Variants in ASTN1 observed in about 807,000 individuals in gnomAD.
ASTN1 encodes astrotactin-1.
ASTN1 carries 41 observed loss-of-function variants against 140.7 expected under a neutral mutation model. That is an observed-to-expected ratio of 0.29 (90% CI 0.23 to 0.38). The LOEUF is 0.38. Among genes scored for constraint, ASTN1 ranks in the 10% least tolerant of loss-of-function variants. The probability of loss-of-function intolerance (pLI) is 1.00; values close to 1 mark genes in which losing one functional copy is unlikely to be tolerated. For missense variants in ASTN1, 1,479 were observed against 1,678.8 expected, an observed-to-expected ratio of 0.88 and a Z score of 2.08; for synonymous variants, 640 against 652.2, an observed-to-expected ratio of 0.98 and a Z score of 0.29.
At chr1:177,014,580 G>A (rs1360966009) in intron 8 of ASTN1, among the ~76,000 whole-genome samples, 1 of 152,186 alleles carries the variant, frequency 6.6e-6, no homozygotes, top group Non-Finnish European at 1.5e-5. Context: ...GCAGGGCTGC[G>A]AGTCAGAGGC....
At position 176,936,222 on chromosome 1, in the gene ASTN1, A is replaced by G. The variant is rs775782380; in HGVS notation, c.2482+44T>C. 4 of 1,554,108 alleles carry G rather than the reference A, an allele frequency of 2.6e-6. No homozygotes were observed. The African/African-American group carries it at 4.1e-5, about 16-fold the overall frequency. On this transcript the variant is annotated intron_variant, in intron 15 of 22. Coordinates refer to ENST00000361833, the MANE Select transcript of ASTN1 (RefSeq NM_004319.3). ...GCTTCTCCCCTTGGAAAGGACTTCT[A>G]AGTTCCAGGGAAGGTGGGCAGGATA...
Position 176,888,180 on chromosome 1 carries a change from A to C in ASTN1, c.2965T>G (p.Ser989Ala), listed in dbSNP as rs1669117261. Residue 989 changes from serine (S) to alanine (A), a missense_variant, in exon 18 of 23, where the codon TCT becomes GCT. By Grantham distance (99) the Ser-to-Ala change is moderately conservative. Around this residue, in one of 3 missense-constraint regions of ASTN1, gnomAD observed 746 missense variants for 800.9 expected, o/e 0.93. Coordinates refer to ENST00000361833, the MANE Select transcript of ASTN1 (RefSeq NM_004319.3). The part of the protein sequence containing the change: ...QRLLQEATMS[S>A]LWCSGTGDVI... ...TCTCCAGTCCCTGAGCACCAGAGAGAGCTCATGGTAGCCTCCTGCAAGAGC... is the reference window on the plus strand; with the variant it reads ...TCTCCAGTCCCTGAGCACCAGAGAGCGCTCATGGTAGCCTCCTGCAAGAGC... 6.2e-7 allele frequency: 1 copy of C among 1,614,036 alleles called. No homozygotes were observed. Among genetic ancestry groups the C allele is most frequent in the African/African-American group, 1.3e-5 (1 of 75,048 alleles).
At chr1:177,142,818 C>T (rs956447322) in intron 1 of ASTN1, among the ~76,000 whole-genome samples, 1 of 151,348 alleles carries the variant, frequency 6.6e-6, no homozygotes, top group African/African-American at 2.4e-5. Context: ...ACCTGAATTC[C>T]ACCTTCATTC....
intron 8 of ASTN1, among the ~76,000 whole-genome samples, chr1:176,985,713 T>C (rs1673859505): frequency 6.6e-6 from 1 of 150,730 alleles, no homozygotes; most frequent in East Asian, 1.9e-4. Flanking sequence ...TGGACAGGCA[T>C]TGACCACTCC....
intron 8 of ASTN1, among the ~76,000 whole-genome samples, chr1:176,966,676 G>A (rs937018451): frequency 4.6e-5 from 7 of 151,784 alleles, no homozygotes; most frequent in Non-Finnish European, 8.8e-5. Flanking sequence ...TTGCTCTCAC[G>A]CATATCATAA....
intron 8 of ASTN1, among the ~76,000 whole-genome samples, chr1:176,979,552 T>A (rs936410156): frequency 6.6e-6 from 1 of 152,210 alleles, no homozygotes; most frequent in African/African-American, 2.4e-5. Flanking sequence ...GTACTTGTGA[T>A]GTATTTATTT....
chr1:176,926,093 C>T (rs1670956043), intron 16 of ASTN1, among the ~76,000 whole-genome samples: 1 of 152,060 alleles, frequency 6.6e-6, no homozygotes, highest in African/African-American at 2.4e-5. Context: ...AGGTGTGAGC[C>T]ACCGCACCCA....
intron 2 of ASTN1, among the ~76,000 whole-genome samples, chr1:177,051,678 A>G (rs965309009): frequency 3.9e-5 from 6 of 152,154 alleles, no homozygotes; most frequent in African/African-American, 1.4e-4. Context: ...GGTCTGTGAG[A>G]CAGACCCCAA....
intron 16 of ASTN1, among the ~76,000 whole-genome samples, chr1:176,896,930 C>T (rs891704187): frequency 6.6e-6 from 1 of 152,070 alleles, no homozygotes; most frequent in African/African-American, 2.4e-5. Context: ...GAAAAGGGCT[C>T]AAGCATTTCA....
chr1:176,877,858 G>A (rs1668626762), intron 20 of ASTN1, among the ~76,000 whole-genome samples: 1 of 152,168 alleles, frequency 6.6e-6, no homozygotes, highest in African/African-American at 2.4e-5. Context: ...AGACACAGTG[G>A]TCCAGTTAAA....
intron 1 of ASTN1, among the ~76,000 whole-genome samples, chr1:177,090,210 C>T (rs561776157): frequency 6.6e-6 from 1 of 151,580 alleles, no homozygotes; most frequent in African/African-American, 2.4e-5. Context: ...TCTCACAGAC[C>T]AGCAATCAGT....
rs959696751 is a variant in ASTN1 at position 176,868,585 on chromosome 1, T to C, written c.3647+259A>G. Among the ~76,000 whole-genome samples, 3 of 152,138 alleles carry C rather than the reference T, an allele frequency of 2.0e-5. No homozygotes were observed. The South Asian group carries it at 6.2e-4, about 32-fold the overall frequency. Reference sequence around the variant, plus strand: ...GGTTTGGAATGCAATGTCAACATGATAAAAAAGGAGGGCAAAATAGGTCAA... The same window carrying C: ...GGTTTGGAATGCAATGTCAACATGACAAAAAAGGAGGGCAAAATAGGTCAA... On this transcript the variant is annotated intron_variant, in intron 22 of 22. Coordinates refer to ENST00000361833, the MANE Select transcript of ASTN1 (RefSeq NM_004319.3).
At chr1:176,927,841 T>C (rs944817716) in intron 16 of ASTN1, among the ~76,000 whole-genome samples, 4 of 152,184 alleles carry the variant, frequency 2.6e-5, no homozygotes, top group Non-Finnish European at 5.9e-5. Flanking sequence ...TTTCAGAATA[T>C]TCTTTTCAAT....
intron 15 of ASTN1, 77 bp downstream of exon 15, chr1:176,936,189 G>T: frequency 2.3e-6 from 3 of 1,305,410 alleles, no homozygotes; most frequent in South Asian, 1.2e-5. Flanking sequence ...TCGACAGTGG[G>T]ACCAAAGGCT....
intron 1 of ASTN1, among the ~76,000 whole-genome samples, chr1:177,143,575 C>T (rs1029770248): frequency 1.3e-5 from 2 of 152,058 alleles, no homozygotes; most frequent in Non-Finnish European, 2.9e-5. Context: ...ACAGAGATTC[C>T]GAAATGTCAT....
At chr1:177,092,116 C>T (rs1036613447) in intron 1 of ASTN1, among the ~76,000 whole-genome samples, 2 of 152,140 alleles carry the variant, frequency 1.3e-5, no homozygotes, top group Admixed American at 6.5e-5. Flanking sequence ...AAATTCCCAC[C>T]AGCAAGGTAC....
chr1:176,974,641 T>G (rs1470955767), intron 8 of ASTN1, among the ~76,000 whole-genome samples: 1 of 152,166 alleles, frequency 6.6e-6, no homozygotes, highest in Non-Finnish European at 1.5e-5. Context: ...TGCCTTGGCC[T>G]CCCAAAGTGC....
At position 176,862,684 on chromosome 1, in the gene ASTN1, T is replaced by G; in HGVS notation, c.*1600A>C. The G allele has an allele frequency of 1.1e-6, 1 of 910,098 alleles. No homozygotes were observed. The highest frequency in any genetic ancestry group is 1.3e-6 in the Non-Finnish European group (1 of 761,530). 56.4% of individuals were successfully genotyped at this position (910,098 alleles called of 1,614,324 possible). A position where few individuals can be genotyped will look rare whatever the true frequency, so the allele number is the denominator to read the frequency against. On this transcript the variant is annotated 3_prime_UTR_variant, in exon 23 of 23. Coordinates refer to ENST00000361833, the MANE Select transcript of ASTN1 (RefSeq NM_004319.3). ...TTGAGGCAAGTTGTATAACCTCTCT[T>G]TGCCTCGTTTTCCTCAACACTAAAA...
intron 1 of ASTN1, 54 bp downstream of exon 1, chr1:177,164,340 G>T (rs1453551606): frequency 2.0e-6 from 3 of 1,474,536 alleles, no homozygotes; most frequent in Non-Finnish European, 2.7e-6. Flanking sequence ...TGGAGTGGGG[G>T]GTGGGGGCGC....
Sources: allele counts gnomAD v4.1 joint callset (sites outside exome capture counted in the v4.1 genomes callset), GRCh38; gene constraint gnomAD v4.1.1; regional missense constraint gnomAD v4.1.1; transcripts MANE v1.5; gene names NCBI Gene and HGNC (gene_info 2026-07-23, HGNC 2026-07-21).